The following GALNT13 variants were observed in gnomAD, a reference collection of about 807,000 sequenced individuals.
GALNT13 encodes the protein polypeptide N-acetylgalactosaminyltransferase 13.
In GALNT13, 28 loss-of-function variants were observed where a neutral mutation model predicts 64.2. The ratio of observed to expected loss-of-function variants is 0.44; its 90% confidence interval spans 0.32 to 0.60. The LOEUF (loss-of-function observed/expected upper bound fraction) is 0.60, where lower values mean the gene tolerates loss of function less well. Among genes scored for constraint, GALNT13 ranks in the 20% least tolerant of loss-of-function variants. The pLI is 0.05. For synonymous variants in GALNT13, 214 were observed against 224.6 expected (o/e 0.95, Z 0.42); for missense variants, 577 against 669.8 (o/e 0.86, Z 1.53).
At chr2:153,871,001 T>C (rs1369281012), upstream of GALNT13, among the ~76,000 whole-genome samples, 5 of 152,084 alleles carry the variant, frequency 3.3e-5, no homozygotes, top group African/African-American at 1.2e-4. Context: ...GAAAAGTTCC[T>C]CTCCCATGGC....
intron 8 of GALNT13, among the ~76,000 whole-genome samples, chr2:154,274,804 G>A (rs1316762034): frequency 6.6e-6 from 1 of 152,136 alleles, no homozygotes; most frequent in Non-Finnish European, 1.5e-5. Flanking sequence ...AAGTGACTTT[G>A]GAACTGGGTA....
chr2:153,924,374 T>G (rs907020197), intron 2 of GALNT13, among the ~76,000 whole-genome samples: 4 of 152,208 alleles, frequency 2.6e-5, no homozygotes, highest in African/African-American at 9.6e-5. Context: ...TCCATGTTCC[T>G]GCACAGGACA....
chr2:153,390,431 G>GT, the GALNT13 span, among the ~76,000 whole-genome samples: 684 of 151,938 alleles, frequency 4.5e-3, 6 homozygotes, highest in African/African-American at 0.015. Flanking sequence ...TGAATGTTCT[G>GT]CACATGTAAC....
At chr2:154,211,147 C>T (rs1406569224) in intron 4 of GALNT13, among the ~76,000 whole-genome samples, 1 of 151,944 alleles carries the variant, frequency 6.6e-6, no homozygotes, top group Non-Finnish European at 1.5e-5. Context: ...GAAATGTGTC[C>T]TTAGGTTATT....
At chr2:154,441,559 G>A (rs1029923398) in intron 12 of GALNT13, among the ~76,000 whole-genome samples, 1 of 152,026 alleles carries the variant, frequency 6.6e-6, no homozygotes, top group African/African-American at 2.4e-5. Flanking sequence ...AGATTACACC[G>A]CTAGCAGCAG....
At chr2:153,503,441 T>A in the GALNT13 span, among the ~76,000 whole-genome samples, 59,759 of 151,592 alleles carry the variant, frequency 0.39, 15,073 homozygotes, top group African/African-American at 0.68. Flanking sequence ...ATTTTTTTTT[T>A]AAATAATTAA....
chr2:153,702,768 A>C, the GALNT13 span, among the ~76,000 whole-genome samples: 1 of 152,092 alleles, frequency 6.6e-6, no homozygotes, highest in Non-Finnish European at 1.5e-5. Context: ...GAGATGAAAA[A>C]CCAAGCAGGA....
the GALNT13 span, among the ~76,000 whole-genome samples, chr2:153,508,723 G>A: frequency 6.6e-6 from 1 of 152,102 alleles, no homozygotes; most frequent in Admixed American, 6.5e-5. Context: ...TTCCTTCAAA[G>A]GGTTTATGGA....
intron 8 of GALNT13, among the ~76,000 whole-genome samples, chr2:154,280,232 TGACTA>T (rs1691888644): frequency 6.6e-6 from 1 of 152,168 alleles, no homozygotes; most frequent in Non-Finnish European, 1.5e-5. Context: ...TGCAAACTGA[TGACTA>T]GACTTTAACT....
the GALNT13 span, among the ~76,000 whole-genome samples, chr2:153,408,223 G>T: frequency 6.6e-6 from 1 of 152,130 alleles, no homozygotes; most frequent in African/African-American, 2.4e-5. Context: ...TCATCTCAGG[G>T]TTCCAGGCCA....
intron 11 of GALNT13, among the ~76,000 whole-genome samples, chr2:154,421,168 G>A (rs1700233184): frequency 6.6e-6 from 1 of 151,846 alleles, no homozygotes; most frequent in Admixed American, 6.6e-5. Context: ...AGAAAAAGAA[G>A]ACATCTGAAA....
At chr2:153,722,254 A>C in the GALNT13 span, among the ~76,000 whole-genome samples, 1 of 148,104 alleles carries the variant, frequency 6.8e-6, no homozygotes, top group African/African-American at 2.6e-5. Flanking sequence ...GTACTTTGAA[A>C]CCAACGAGAA....
intron 8 of GALNT13, among the ~76,000 whole-genome samples, chr2:154,264,072 G>A (rs1023566724): frequency 3.3e-5 from 5 of 152,152 alleles, no homozygotes; most frequent in African/African-American, 1.2e-4. Flanking sequence ...CTGGAATTTG[G>A]TGAACAGAGT....
At chr2:153,439,463 C>T in the GALNT13 span, among the ~76,000 whole-genome samples, 576 of 152,280 alleles carry the variant, frequency 3.8e-3, 15 homozygotes, top group East Asian at 0.043. Context: ...GTGGTGGGCT[C>T]CACCCAGTTC....
chr2:153,637,208 A>G, the GALNT13 span, among the ~76,000 whole-genome samples: 1 of 152,144 alleles, frequency 6.6e-6, no homozygotes, highest in Non-Finnish European at 1.5e-5. Context: ...ATCGAATCTT[A>G]TGAATGAGCG....
the GALNT13 span, among the ~76,000 whole-genome samples, chr2:153,235,034 T>C: frequency 1.3e-5 from 2 of 152,188 alleles, no homozygotes; most frequent in Non-Finnish European, 2.9e-5. Flanking sequence ...TGATCTCTGA[T>C]GTTACTGTCA....
the GALNT13 span, among the ~76,000 whole-genome samples, chr2:153,581,336 T>A: frequency 6.6e-6 from 1 of 152,104 alleles, no homozygotes; most frequent in Non-Finnish European, 1.5e-5. Context: ...TCACCATTGT[T>A]ATATTTTATT....
chr2:153,844,592 AT>A, the GALNT13 span, among the ~76,000 whole-genome samples: 1 of 152,198 alleles, frequency 6.6e-6, no homozygotes, highest in Non-Finnish European at 1.5e-5. Context: ...AGTTGTACAA[AT>A]TTCTCTAACA....
chr2:154,249,729 A>G (rs1234481967), intron 7 of GALNT13, among the ~76,000 whole-genome samples: 1 of 152,130 alleles, frequency 6.6e-6, no homozygotes, highest in Non-Finnish European at 1.5e-5. Context: ...AAGTAAAACA[A>G]AAGAGTTTTA....
Sources: allele counts gnomAD v4.1 joint callset (sites outside exome capture counted in the v4.1 genomes callset), GRCh38; gene constraint gnomAD v4.1.1; transcripts MANE v1.5; gene names NCBI Gene and HGNC (gene_info 2026-07-23, HGNC 2026-07-21).